Variants in OR3A2 observed in about 807,000 individuals in gnomAD.
The protein encoded by OR3A2 is olfactory receptor family 3 subfamily A member 2, also known as olfactory receptor 3A2.
For synonymous variants in OR3A2, 126 were observed against 159.3 expected (o/e 0.79, Z 1.57); for missense variants, 318 against 392.8 (o/e 0.81, Z 1.61).
At chr17:3,316,971 T>C (rs1428204736) in intron 3 of OR3A2, among the ~76,000 whole-genome samples, 1 of 152,218 alleles carries the variant, frequency 6.6e-6, no homozygotes, top group African/African-American at 2.4e-5. Context: ...CTTCCAAGTA[T>C]CTCAGGCTTT....
chr17:3,313,415 G>A (rs987895666), intron 3 of OR3A2, among the ~76,000 whole-genome samples: 44 of 152,216 alleles, frequency 2.9e-4, no homozygotes, highest in African/African-American at 1.1e-3. Context: ...CCTCCCAGCT[G>A]GGACCCATGC....
chr17:3,308,835 G>A (rs2049017949), intron 3 of OR3A2, among the ~76,000 whole-genome samples: 1 of 152,128 alleles, frequency 6.6e-6, no homozygotes, highest in Non-Finnish European at 1.5e-5. Flanking sequence ...CCCCTTCCCT[G>A]GATGAGTTAG....
At chr17:3,276,510 A>G (rs2048736183), downstream of OR3A2, among the ~76,000 whole-genome samples, 2 of 152,344 alleles carry the variant, frequency 1.3e-5, no homozygotes, top group East Asian at 1.9e-4. Flanking sequence ...TGTTTCCACT[A>G]TTAGGTATAA....
intron 3 of OR3A2, among the ~76,000 whole-genome samples, chr17:3,300,489 G>T (rs1300711100): frequency 1.3e-5 from 2 of 152,150 alleles, no homozygotes; most frequent in Non-Finnish European, 2.9e-5. Context: ...AACCTGGGAG[G>T]CAGAGGTTGC....
chr17:3,322,992 T>A lies in OR3A2; in HGVS notation c.-85+13041A>T, dbSNP rs540873054. Among the ~76,000 whole-genome samples, 6 of 152,240 alleles carry A rather than the reference T, an allele frequency of 3.9e-5. 1 individual carries two copies. The highest frequency in any genetic ancestry group is 1.9e-4 in the East Asian group (1 of 5,182). On this transcript the variant is annotated intron_variant, in intron 3 of 4. Transcript: ENST00000573491. The stretch of plus-strand genomic sequence containing the variant: ...GGGTGTTAAAGTCTCCCATTATTAT[T>A]GTGTGGGAGTCTAAGTCTCTTTGTA...
At chr17:3,278,354 G>A (rs759107110) in exon 2 of OR3A2, 1 of 1,614,240 alleles carries the variant, frequency 6.2e-7, no homozygotes, top group African/African-American at 1.3e-5. Context: ...AGGAGAGCTG[G>A]AAGAGCTGTG....
chr17:3,384,785 T>C (rs1172785907), intron 1 of OR3A2, among the ~76,000 whole-genome samples: 1 of 152,168 alleles, frequency 6.6e-6, no homozygotes, highest in Non-Finnish European at 1.5e-5. Context: ...GGCCATTCAT[T>C]TACTTTTTGT....
At chr17:3,345,604 G>T (rs1295747988) in intron 2 of OR3A2, among the ~76,000 whole-genome samples, 1 of 152,078 alleles carries the variant, frequency 6.6e-6, no homozygotes, top group East Asian at 1.9e-4. Flanking sequence ...CGTGATCACA[G>T]AAATTCATTA....
intron 3 of OR3A2, among the ~76,000 whole-genome samples, chr17:3,330,672 C>A (rs955323767): frequency 8.5e-4 from 129 of 152,122 alleles, no homozygotes; most frequent in African/African-American, 3.0e-3. Flanking sequence ...ATCCAATTTG[C>A]CAGTCTGTGT....
chr17:3,363,569 G>A (rs2049536966), intron 2 of OR3A2, among the ~76,000 whole-genome samples: 1 of 151,702 alleles, frequency 6.6e-6, no homozygotes, highest in African/African-American at 2.4e-5. Flanking sequence ...ACATCTTCCT[G>A]TCTTCTTCTG....
intron 3 of OR3A2, chr17:3,291,914 G>T (rs199711058): frequency 2.5e-6 from 4 of 1,614,116 alleles, no homozygotes; most frequent in African/African-American, 2.7e-5. Flanking sequence ...CAGCTGCCAC[G>T]TGGATATAGG....
At chr17:3,299,281 A>C (rs1490101378) in intron 3 of OR3A2, among the ~76,000 whole-genome samples, 1 of 152,164 alleles carries the variant, frequency 6.6e-6, no homozygotes, top group East Asian at 1.9e-4. Flanking sequence ...GGTGAGAAGG[A>C]GGCACAAGAA....
intron 1 of OR3A2, among the ~76,000 whole-genome samples, chr17:3,281,457 A>G (rs1179673717): frequency 6.6e-6 from 1 of 151,846 alleles, no homozygotes; most frequent in African/African-American, 2.4e-5. Flanking sequence ...GATGGTGTCG[A>G]TCTCTTGACC....
chr17:3,313,327 C>A (rs560842273), intron 3 of OR3A2, among the ~76,000 whole-genome samples: 1 of 152,288 alleles, frequency 6.6e-6, no homozygotes, highest in African/African-American at 2.4e-5. Context: ...CAGTTATTCT[C>A]CACATCCAGC....
At chr17:3,278,113 C>T (rs766432665) in exon 2 of OR3A2, 4 of 1,614,210 alleles carry the variant, frequency 2.5e-6, no homozygotes, top group East Asian at 2.2e-5. Context: ...TCTGAAGCCT[C>T]CTCTGAACCC....
At chr17:3,368,788 T>C (rs2049585389) in intron 2 of OR3A2, among the ~76,000 whole-genome samples, 2 of 152,166 alleles carry the variant, frequency 1.3e-5, no homozygotes, top group Non-Finnish European at 2.9e-5. Flanking sequence ...TGATGGTACT[T>C]TGGTGAGCAT....
chr17:3,320,286 T>C (rs1183795188), intron 3 of OR3A2, among the ~76,000 whole-genome samples: 1 of 151,390 alleles, frequency 6.6e-6, no homozygotes, highest in African/African-American at 2.4e-5. Flanking sequence ...TAGCCCTTTG[T>C]CAGATGAGTA....
chr17:3,373,913 A>G (rs2049656023), intron 2 of OR3A2, among the ~76,000 whole-genome samples: 1 of 152,122 alleles, frequency 6.6e-6, no homozygotes, highest in African/African-American at 2.4e-5. Flanking sequence ...TTATGCTTTA[A>G]GGAGGTTCCA....
intron 1 of OR3A2, among the ~76,000 whole-genome samples, chr17:3,280,273 ATT>A (rs200615690): frequency 9.9e-5 from 14 of 141,214 alleles, no homozygotes; most frequent in East Asian, 2.1e-4. Context: ...CATTTTTCAG[ATT>A]TTTTTTTTTT....
Sources: allele counts gnomAD v4.1 joint callset (sites outside exome capture counted in the v4.1 genomes callset), GRCh38; gene constraint gnomAD v4.1.1; transcripts MANE v1.5; gene names NCBI Gene and HGNC (gene_info 2026-07-23, HGNC 2026-07-21).